Variants in KMT2E observed in about 807,000 individuals in gnomAD.
The protein encoded by KMT2E is histone reader KMT2E.
KMT2E carries 30 observed loss-of-function variants against 184.6 expected under a neutral mutation model. The observed-to-expected ratio is 0.16, with a 90% confidence interval of 0.12 to 0.22. The LOEUF (loss-of-function observed/expected upper bound fraction) is 0.22. Among genes scored for constraint, KMT2E ranks in the 10% least tolerant of loss-of-function variants. The pLI, the probability that KMT2E is intolerant of heterozygous loss-of-function variation, is 1.00. For synonymous variants in KMT2E, 815 were observed against 776.5 expected (o/e 1.05, Z -0.82); for missense variants, 2,023 against 2,237.4 (o/e 0.90, Z 1.93).
At chr7:105,098,715 G>T (rs1272058595) in intron 15 of KMT2E, among the ~76,000 whole-genome samples, 3 of 151,968 alleles carry the variant, frequency 2.0e-5, no homozygotes, top group Non-Finnish European at 4.4e-5. Flanking sequence ...AAATTTTTTT[G>T]TGGAGATGGG....
intron 1 of KMT2E, among the ~76,000 whole-genome samples, chr7:105,036,436 T>C (rs751601727): frequency 3.3e-5 from 5 of 152,176 alleles, no homozygotes; most frequent in Non-Finnish European, 5.9e-5. Flanking sequence ...CCCAAAGTGC[T>C]GGGATTACAA....
chr7:105,039,995 G>A (rs1795811496), intron 2 of KMT2E, among the ~76,000 whole-genome samples: 1 of 151,552 alleles, frequency 6.6e-6, no homozygotes, highest in South Asian at 2.1e-4. Context: ...TTGTAAATTT[G>A]TTTAAAAAAA....
At chr7:105,042,105 C>G (rs1795907176) in intron 3 of KMT2E, among the ~76,000 whole-genome samples, 1 of 152,156 alleles carries the variant, frequency 6.6e-6, no homozygotes, top group Admixed American at 6.5e-5. Flanking sequence ...ATTCTCATGT[C>G]TTAGCCTCCT....
At chr7:105,021,182 G>A (rs1293030512) in intron 1 of KMT2E, among the ~76,000 whole-genome samples, 1 of 152,082 alleles carries the variant, frequency 6.6e-6, no homozygotes, top group Non-Finnish European at 1.5e-5. Context: ...CATAAATAGG[G>A]GTCTCAGGTT....
chr7:105,082,603 G>A (rs1042620314), intron 13 of KMT2E, among the ~76,000 whole-genome samples: 1 of 152,042 alleles, frequency 6.6e-6, no homozygotes, highest in African/African-American at 2.4e-5. Flanking sequence ...AAGGGTGGGG[G>A]TTGCTCTTGC....
intron 1 of KMT2E, among the ~76,000 whole-genome samples, chr7:105,014,990 G>T (rs1298000997): frequency 6.6e-6 from 1 of 152,044 alleles, no homozygotes; most frequent in African/African-American, 2.4e-5. Flanking sequence ...ATTTCTTGAC[G>T]GGCAGTCTCT....
chr7:105,090,884 A>C (rs950721741), intron 14 of KMT2E, among the ~76,000 whole-genome samples: 1 of 152,188 alleles, frequency 6.6e-6, no homozygotes, highest in Admixed American at 6.5e-5. Flanking sequence ...CAACTGAACA[A>C]ACACTTTTTG....
At chr7:105,015,360 C>T (rs1184484457) in intron 1 of KMT2E, among the ~76,000 whole-genome samples, 2 of 152,186 alleles carry the variant, frequency 1.3e-5, no homozygotes, top group East Asian at 3.8e-4. Flanking sequence ...CTTCTACTGG[C>T]CTTAGTTCCG....
At chr7:105,051,288 C>T (rs763264309) in intron 3 of KMT2E, among the ~76,000 whole-genome samples, 12 of 151,932 alleles carry the variant, frequency 7.9e-5, no homozygotes, top group Non-Finnish European at 1.2e-4. Flanking sequence ...GAGGTTCAAG[C>T]GATTCTCCTG....
At chr7:105,063,042 C>G (rs1796886263) in intron 4 of KMT2E, among the ~76,000 whole-genome samples, 1 of 141,842 alleles carries the variant, frequency 7.1e-6, no homozygotes, top group African/African-American at 2.6e-5. Context: ...ATCTTAATAC[C>G]TTCTTTCATC....
rs1286833216 is a variant in KMT2E, at chr7:105,068,623, GGTTTTTTTTTTTTTT to G, written c.497+1832_497+1846del. ...ATCGCCACCATGCCTGACTAGTTGT[GGTTTTTTTTTTTTTT>G]GTTTTTTTTTTTTTTTTGTAGGCAC... On this transcript the variant is annotated intron_variant, in intron 6 of 26. Transcript: ENST00000311117. Among the ~76,000 whole-genome samples, 12 of 134,904 alleles carry G rather than the reference GGTTTTTTTTTTTTTT, an allele frequency of 8.9e-5. No individual in the cohort carries two copies. In the East Asian group the frequency reaches 1.3e-3, roughly 15 times the overall value. The allele number at this position is 134,904 out of a possible 152,430, so 88.5% of individuals were successfully genotyped here.
intron 1 of KMT2E, among the ~76,000 whole-genome samples, chr7:105,022,440 A>G (rs567327926): frequency 6.6e-6 from 1 of 152,278 alleles, no homozygotes; most frequent in East Asian, 1.9e-4. Flanking sequence ...CTAGAATACT[A>G]GATTAGAAAT....
chr7:105,070,468 C>CA (rs944847080), intron 6 of KMT2E, among the ~76,000 whole-genome samples: 4 of 149,724 alleles, frequency 2.7e-5, no homozygotes, highest in South Asian at 2.1e-4. Context: ...CCATTGCTAC[C>CA]AAAAAAAATA....
chr7:105,030,380 G>T (rs1241627971), intron 1 of KMT2E, among the ~76,000 whole-genome samples: 3 of 152,150 alleles, frequency 2.0e-5, no homozygotes, highest in Non-Finnish European at 4.4e-5. Flanking sequence ...AAAAGGAAAA[G>T]AAAATTAGTG....
At chr7:105,018,840 T>G (rs1794826626) in intron 1 of KMT2E, among the ~76,000 whole-genome samples, 1 of 152,098 alleles carries the variant, frequency 6.6e-6, no homozygotes, top group South Asian at 2.1e-4. Context: ...TTACTTAACA[T>G]GGAGGAACAG....
At chr7:105,069,579 G>A (rs1455292607) in intron 6 of KMT2E, among the ~76,000 whole-genome samples, 1 of 152,188 alleles carries the variant, frequency 6.6e-6, no homozygotes, top group Non-Finnish European at 1.5e-5. Context: ...ACACACTTAT[G>A]TTGTTTAGGT....
intron 17 of KMT2E, chr7:105,103,333 AAAC>A (rs1798740302): frequency 6.6e-6 from 1 of 152,216 alleles, no homozygotes; most frequent in African/African-American, 2.4e-5. Flanking sequence ...TTGTTATTTT[AAAC>A]AACATACTGT....
At chr7:105,110,399 G>A (rs914210406) in intron 24 of KMT2E, 31 bp downstream of exon 24, 16 of 1,613,672 alleles carry the variant, frequency 9.9e-6, no homozygotes, top group African/African-American at 8.0e-5. Context: ...ACCAGAAAGT[G>A]GAATCAGTTA....
intron 1 of KMT2E, among the ~76,000 whole-genome samples, chr7:105,015,391 G>C (rs1031646610): frequency 5.9e-5 from 9 of 152,120 alleles, no homozygotes; most frequent in Admixed American, 4.6e-4. Context: ...TCCTTGCTGG[G>C]CTCTGTCTTA....
Sources: gnomAD v4.1 joint callset for allele counts (sites outside exome capture counted in the v4.1 genomes callset) on GRCh38, gnomAD v4.1.1 for gene constraint, MANE v1.5 for transcripts, NCBI Gene and HGNC (gene_info 2026-07-23, HGNC 2026-07-21) for gene names.